TEK: variants seen among roughly 807,000 people sequenced by gnomAD.
The protein encoded by TEK is angiopoietin-1 receptor.
A neutral mutation model predicts 131.8 loss-of-function variants in TEK; 43 were observed. The ratio of observed to expected loss-of-function variants is 0.33; its 90% CI spans 0.26 to 0.42. The LOEUF (loss-of-function observed/expected upper bound fraction) is 0.42. Ranked by LOEUF, TEK falls within the 10% of genes least tolerant of loss-of-function variation. The probability of loss-of-function intolerance (pLI) is 1.00; values close to 1 mark genes in which losing one functional copy is unlikely to be tolerated. For missense variants in TEK, 1,162 were observed against 1,384.4 expected (o/e 0.84, Z 2.55); for synonymous variants, 580 against 491.6 (o/e 1.18, Z -2.38).
chr9:27,197,580 TG>T lies in TEK; in HGVS notation c.1891del (p.Ala631LeufsTer26). ...AGGGGGAATGGAGTGAAGATCTCAC[TG>T]CTTGGACCCTTAGTGACAGTAAGTA... ...AQGEWSEDLTAWTLSDILPPQ... is the reference protein window; with the variant it reads ...AQGEWSEDLTXWTLSDILPPQ... On this transcript the variant is annotated frameshift_variant, in exon 12 of 23. Coordinates refer to ENST00000380036, the MANE Select transcript of TEK (RefSeq NM_000459.5). LOFTEE classifies it high-confidence loss of function. 1 of 1,614,036 alleles carries T rather than the reference TG, an allele frequency of 6.2e-7. No individual in the cohort carries two copies. Among genetic ancestry groups the T allele is most frequent in the Non-Finnish European group, 8.5e-7 (1 of 1,179,984 alleles).
chr9:27,191,455 A>G (rs2131184976), intron 10 of TEK, among the ~76,000 whole-genome samples: 1 of 152,264 alleles, frequency 6.6e-6, no homozygotes, highest in East Asian at 1.9e-4. Context: ...CAATTGGACT[A>G]TTCTGTAAAA....
rs753348341 is a variant in TEK, at chr9:27,173,300, G to A, written c.839G>A (p.Cys280Tyr). The A allele has an allele frequency of 6.2e-7, 1 of 1,614,104 alleles. No individual in the cohort carries two copies. Among genetic ancestry groups the A allele is most frequent in the Non-Finnish European group, 8.5e-7 (1 of 1,179,970 alleles). ...GAGGGATGCAAGTCTTATGTGTTCTGTCTCCCTGACCCCTATGGGTGTTCC... is the reference window on the plus strand; with the variant it reads ...GAGGGATGCAAGTCTTATGTGTTCTATCTCCCTGACCCCTATGGGTGTTCC... ...GQEGCKSYVF[C>Y]LPDPYGCSCA... The change falls in exon 6 of 23, where the codon TGT (cysteine) becomes TAT (tyrosine). Residue 280 changes from cysteine (C) to tyrosine (Y), a missense_variant. By Grantham distance (194) the Cys-to-Tyr change is radical (BLOSUM62 -2). Around this residue, in one of 6 missense-constraint regions of TEK, gnomAD observed 436 missense variants for 539.1 expected, o/e 0.81. Coordinates refer to ENST00000380036, the MANE Select transcript of TEK (RefSeq NM_000459.5).
At chr9:27,213,460 A>C (rs2181030) in intron 17 of TEK, 24 bp from the exon 18 acceptor site, 1 of 1,575,182 alleles carries the variant, frequency 6.3e-7, no homozygotes. Context: ...GGCTGAAAAT[A>C]CATAATGTTT....
chr9:27,143,368 G>A (rs1186259956), intron 1 of TEK, among the ~76,000 whole-genome samples: 5 of 152,112 alleles, frequency 3.3e-5, no homozygotes, highest in African/African-American at 1.2e-4. Flanking sequence ...GAACCCAGTG[G>A]GACATAGGTA....
At chr9:27,198,840 C>A (rs1029754118) in intron 12 of TEK, among the ~76,000 whole-genome samples, 4 of 152,122 alleles carry the variant, frequency 2.6e-5, no homozygotes, top group Non-Finnish European at 5.9e-5. Context: ...GCTCTGTTGC[C>A]CAGGCTGGTG....
chr9:27,157,700 C>A, intron 1 of TEK, 131 bp from the exon 2 acceptor site: 5 of 1,097,698 alleles, frequency 4.6e-6, no homozygotes, highest in Non-Finnish European at 6.8e-6. Flanking sequence ...GGAAGATAGG[C>A]ACATGGTCAG....
At chr9:27,138,834 C>T (rs1822605604) in intron 1 of TEK, among the ~76,000 whole-genome samples, 1 of 152,120 alleles carries the variant, frequency 6.6e-6, no homozygotes, top group Non-Finnish European at 1.5e-5. Flanking sequence ...TTTGGTTGTA[C>T]ACAAGTGGTC....
At chr9:27,217,829 A>C (rs1376854422) in intron 19 of TEK, 71 bp downstream of exon 19, 1 of 1,344,852 alleles carries the variant, frequency 7.4e-7, no homozygotes, top group East Asian at 2.3e-5. Flanking sequence ...CAGAGGTTTT[A>C]AAAAGATACA....
chr9:27,144,276 G>A (rs762850298), intron 1 of TEK, among the ~76,000 whole-genome samples: 7 of 151,836 alleles, frequency 4.6e-5, no homozygotes, highest in East Asian at 3.9e-4. Context: ...GCAAGACTCC[G>A]TCTCAAAAAA....
intron 16 of TEK, among the ~76,000 whole-genome samples, chr9:27,209,615 A>G (rs991779295): frequency 6.6e-6 from 1 of 152,200 alleles, no homozygotes; most frequent in African/African-American, 2.4e-5. Flanking sequence ...GGGAATTGGT[A>G]TTCTGAATGT....
At position 27,217,797 on chromosome 9, in the gene TEK, T is replaced by C. The variant is rs781099746; in HGVS notation, c.3062+39T>C. 1.4e-5 allele frequency: 22 copies of C among 1,553,670 alleles called. No individual in the cohort carries two copies. In the African/African-American group the frequency reaches 2.8e-4, roughly 20 times the overall value. ...TTATTGCCAAGGGATTTTTTTTCCC[T>C]CCCAGAAACATATACATTTGACAGA... On this transcript the variant is annotated intron_variant, in intron 19 of 22. Transcript: ENST00000380036.
intron 2 of TEK, among the ~76,000 whole-genome samples, chr9:27,166,639 G>A (rs549751644): frequency 1.6e-4 from 24 of 152,166 alleles, no homozygotes; most frequent in African/African-American, 5.3e-4. Context: ...TATAAATGTT[G>A]CAATACTAGC....
intron 1 of TEK, among the ~76,000 whole-genome samples, chr9:27,112,374 G>C (rs1046230584): frequency 6.6e-6 from 1 of 152,178 alleles, no homozygotes; most frequent in African/African-American, 2.4e-5. Flanking sequence ...AGGTCTGAAA[G>C]CTGGGATCGG....
chr9:27,221,521 A>T (rs997019770), intron 21 of TEK, among the ~76,000 whole-genome samples: 13 of 150,246 alleles, frequency 8.7e-5, no homozygotes, highest in African/African-American at 3.3e-4. Context: ...CATCTTATAC[A>T]GGACAGCTCT....
intron 17 of TEK, 30 bp downstream of exon 17, chr9:27,212,927 C>G (rs760243853): frequency 5.0e-6 from 8 of 1,609,154 alleles, no homozygotes; most frequent in East Asian, 2.2e-5. Flanking sequence ...CTTTGGATAT[C>G]TTTCCTGTGG....
At chr9:27,122,944 C>T (rs996858944) in intron 1 of TEK, among the ~76,000 whole-genome samples, 3 of 145,522 alleles carry the variant, frequency 2.1e-5, no homozygotes, top group Non-Finnish European at 4.5e-5. Context: ...TCCCAGCTAC[C>T]TGGGAGGCTG....
At chr9:27,152,638 T>C (rs1462030312) in intron 1 of TEK, among the ~76,000 whole-genome samples, 1 of 146,684 alleles carries the variant, frequency 6.8e-6, no homozygotes, top group African/African-American at 2.6e-5. Flanking sequence ...AGTAGCTCAC[T>C]GGGAGTGGGT....
chr9:27,154,837 G>A (rs2131113263), intron 1 of TEK, among the ~76,000 whole-genome samples: 1 of 152,282 alleles, frequency 6.6e-6, no homozygotes, highest in South Asian at 2.1e-4. Context: ...ACTCCCAGAG[G>A]CCACAATTTC....
At chr9:27,188,487 G>A (rs529764939) in intron 9 of TEK, among the ~76,000 whole-genome samples, 1 of 152,284 alleles carries the variant, frequency 6.6e-6, no homozygotes, top group South Asian at 2.1e-4. Flanking sequence ...ATGTGCATCT[G>A]CTGGTTTAAA....
Sources: gnomAD v4.1 joint callset for allele counts (sites outside exome capture counted in the v4.1 genomes callset) on GRCh38, gnomAD v4.1.1 for gene constraint, gnomAD v4.1.1 regional missense constraint, MANE v1.5 for transcripts, NCBI Gene and HGNC (gene_info 2026-07-23, HGNC 2026-07-21) for gene names.